The following NOP14 variants were observed in gnomAD, a reference collection of about 807,000 sequenced individuals.
NOP14 encodes NOP14 nucleolar protein, also known as nucleolar protein 14.
NOP14 carries 57 observed loss-of-function variants against 101.6 expected under a neutral mutation model. The ratio of observed to expected loss-of-function variants is 0.56; its 90% CI spans 0.45 to 0.70. NOP14 has a LOEUF of 0.70. Among genes scored for constraint, NOP14 ranks in the 30% least tolerant of loss-of-function variants. NOP14 has a pLI of 0.00. For synonymous variants in NOP14, 428 were observed against 424.0 expected, an observed-to-expected ratio of 1.01 and a Z score of -0.12; for missense variants, 1,134 against 1,075.5, an observed-to-expected ratio of 1.05 and a Z score of -0.76.
intron 9 of NOP14, among the ~76,000 whole-genome samples, chr4:2,947,902 C>G (rs1714763249): frequency 6.6e-6 from 1 of 152,260 alleles, no homozygotes; most frequent in East Asian, 1.9e-4. Context: ...AGCACGGCGT[C>G]CTCCTCACAG....
At chr4:2,958,814 C>T (rs1015069244) in intron 1 of NOP14, among the ~76,000 whole-genome samples, 1 of 152,082 alleles carries the variant, frequency 6.6e-6, no homozygotes, top group Non-Finnish European at 1.5e-5. Flanking sequence ...GGTCACTTCC[C>T]CAGGGTCGGA....
chr4:2,942,796 G>T (rs147136056), intron 13 of NOP14, among the ~76,000 whole-genome samples: 1 of 152,114 alleles, frequency 6.6e-6, no homozygotes, highest in Non-Finnish European at 1.5e-5. Context: ...GGTGACGGTG[G>T]AGGGCGGGAG....
At chr4:2,950,237 G>A (rs758378964) in intron 7 of NOP14, 24 bp from the exon 8 acceptor site, 2 of 1,610,888 alleles carry the variant, frequency 1.2e-6, no homozygotes, top group Non-Finnish European at 1.7e-6. Context: ...GGAAACCACA[G>A]GGCATGAGGA....
chr4:2,957,374 G>A (rs1334885214), intron 2 of NOP14, among the ~76,000 whole-genome samples: 4 of 152,200 alleles, frequency 2.6e-5, no homozygotes, highest in Admixed American at 2.0e-4. Flanking sequence ...GAGAACTCCT[G>A]TGCACACTGC....
In NOP14 at chr4:2,954,609, C is replaced by A. The variant is rs748131554; in HGVS notation, c.473-46G>T. 307 of 1,599,602 alleles carry A rather than the reference C, an allele frequency of 1.9e-4. No individual in the cohort carries two copies. Among genetic ancestry groups the A allele is most frequent in the Middle Eastern group, 5.5e-4 (3 of 5,500 alleles). Reference sequence around the variant, plus strand: ...ACCCCACAGTGAAGCCCAGCCCTGGCGTGGGAAGTGTTTCCTGTAGCACTC... The same window carrying A: ...ACCCCACAGTGAAGCCCAGCCCTGGAGTGGGAAGTGTTTCCTGTAGCACTC... On this transcript the variant is annotated intron_variant, in intron 3 of 17. Transcript: ENST00000416614.
Position 2,954,406 on chromosome 4 carries a change from GA to G in NOP14, c.612+17del. On this transcript the variant is annotated intron_variant, in intron 4 of 17. Coordinates refer to ENST00000416614, the MANE Select transcript of NOP14 (RefSeq NM_001291978.2). ...GTCTTACCGTGGAGAAGATGATCAA[GA>G]ACACTCACTAACCCACCTTCTCTTG... The G allele has an allele frequency of 1.9e-6, 3 of 1,612,856 alleles. No individual in the cohort carries two copies. Among genetic ancestry groups the G allele is most frequent in the Non-Finnish European group, 2.5e-6 (3 of 1,179,280 alleles).
chr4:2,948,919 A>G (rs1377404421), intron 8 of NOP14, among the ~76,000 whole-genome samples: 3 of 152,200 alleles, frequency 2.0e-5, no homozygotes, highest in African/African-American at 7.2e-5. Flanking sequence ...GCGATCACGC[A>G]CCTGGGAACA....
rs1229156646 is a variant in NOP14 at position 2,948,304 on chromosome 4, C to T, written c.1387G>A (p.Ala463Thr). 6.2e-6 allele frequency: 10 copies of T among 1,605,036 alleles called. No individual in the cohort carries two copies. The highest frequency in any genetic ancestry group is 1.7e-4 in the Middle Eastern group (1 of 6,046). The stretch of plus-strand genomic sequence containing the variant: ...TCTAATTTTGCTTTGTTTCCTTCTG[C>T]GAGACTCGGGTGGTTGCACTTCTGA... ...RIQKCNHPSLAEGNKAKLEKL... is the reference protein window; with the variant it reads ...RIQKCNHPSLTEGNKAKLEKL... Residue 463 changes from alanine to threonine, a missense_variant, in exon 9 of 18, where the codon GCA becomes ACA. Ala to Thr is a moderately conservative substitution (Grantham distance 58). Transcript: ENST00000416614.
Position 2,950,188 on chromosome 4 carries a change from T to C in NOP14, c.1028A>G (p.Asp343Gly), listed in dbSNP as rs563695440. 6.2e-7 allele frequency: 1 copy of C among 1,613,954 alleles called. No homozygotes were observed. Among genetic ancestry groups the C allele is most frequent in the African/African-American group, 1.3e-5 (1 of 75,030 alleles). ...TTCCTTGCTTTGCTCTTCCTGGACA[T>C]CTTCCTCGACATTCATCTTTCCATC... is the stretch of plus-strand genomic sequence containing the variant. ...YKDGKMNVEE[D>G]VQEEQSKEAS... Residue 343 changes from aspartate (D) to glycine (G), a missense_variant, in exon 8 of 18, where the codon GAT (aspartate) becomes GGT (glycine). Asp to Gly is a moderately conservative substitution (Grantham distance 94). Transcript: ENST00000416614.
intron 1 of NOP14, among the ~76,000 whole-genome samples, chr4:2,959,328 C>G (rs1715548043): frequency 6.6e-6 from 1 of 152,320 alleles, no homozygotes; most frequent in Non-Finnish European, 1.5e-5. Flanking sequence ...CGCGGTGGCT[C>G]ACGCCTGTAA....
At position 2,963,311 on chromosome 4, in the gene NOP14, CT is replaced by C; in HGVS notation, c.8del (p.Lys3ArgfsTer32). MAKAKKVGARRKA... is the reference protein window; with the variant it reads MAXAKKVGARRKA... The stretch of plus-strand genomic sequence containing the variant: ...TCCTTCGCGCCCCGACCTTCTTCGC[CT>C]TCGCCATGGCGCGCGCCCCGCTGCG... On this transcript the variant is annotated frameshift_variant, in exon 1 of 18. Coordinates refer to ENST00000416614, the MANE Select transcript of NOP14 (RefSeq NM_001291978.2). LOFTEE classifies it high-confidence loss of function. The C allele has an allele frequency of 6.3e-7, 1 of 1,583,294 alleles. No homozygotes were observed. Among genetic ancestry groups the C allele is most frequent in the Non-Finnish European group, 8.6e-7 (1 of 1,168,668 alleles).
intron 1 of NOP14, among the ~76,000 whole-genome samples, chr4:2,962,718 C>T (rs971612687): frequency 1.3e-5 from 2 of 151,972 alleles, no homozygotes; most frequent in African/African-American, 4.8e-5. Context: ...AGTTACTTCC[C>T]AAGGAACAAG....
chr4:2,939,599 A>G lies in NOP14; in HGVS notation c.2246T>C (p.Leu749Pro). The G allele has an allele frequency of 6.2e-7, 1 of 1,613,940 alleles. No individual in the cohort carries two copies. The highest frequency in any genetic ancestry group is 1.1e-5 in the South Asian group (1 of 91,086). ...TLTEMESQKQ[L>P]CRPLTCEKSK... ...CTTCTCACAGGTCAGCGGCCGGCAGAGCTGCTTCTGGCTTTCCATTTCGGT... is the reference window on the plus strand; with the variant it reads ...CTTCTCACAGGTCAGCGGCCGGCAGGGCTGCTTCTGGCTTTCCATTTCGGT... The change falls in exon 16 of 18, where the codon CTC becomes CCC. Residue 749 changes from leucine (L) to proline (P), a missense_variant. Coordinates refer to ENST00000416614, the MANE Select transcript of NOP14 (RefSeq NM_001291978.2).
intron 1 of NOP14, chr4:2,961,267 T>TATATTTA: frequency 8.1e-6 from 1 of 124,082 alleles, no homozygotes; most frequent in South Asian, 2.3e-4. Context: ...AATAATATAG[T>TATATTTA]TAGTATATTA....
intron 14 of NOP14, 101 bp downstream of exon 14, chr4:2,942,091 G>A: frequency 1.6e-6 from 2 of 1,242,778 alleles, no homozygotes; most frequent in Non-Finnish European, 2.2e-6. Flanking sequence ...CGGCCGGGCG[G>A]CAAGTTCACT....
At position 2,952,394 on chromosome 4, in the gene NOP14, C is replaced by T. The variant is rs61740845; in HGVS notation, c.751G>A (p.Asp251Asn). The T allele has an allele frequency of 3.2e-3, 5,100 of 1,607,174 alleles. 125 individuals carry two copies. The African/African-American group carries it at 0.057, about 18-fold the overall frequency. ...TCGCGAACCATCATGTCATATGCAT[C>T]GGGCTAAGGTAGAAAGAAGAAATTC... ...NRDKKEKPKP[D>N]AYDMMVRELG... Residue 251 changes from aspartate (D) to asparagine (N), a missense_variant, in exon 6 of 18, where the codon GAT becomes AAT. Asp to Asn is a conservative substitution (Grantham distance 23). Coordinates refer to ENST00000416614, the MANE Select transcript of NOP14 (RefSeq NM_001291978.2).
In NOP14 at chr4:2,938,002, C is replaced by T. The variant is rs747907073; in HGVS notation, c.*829G>A. 20 of 222,524 alleles carry T rather than the reference C, an allele frequency of 9.0e-5. No individual in the cohort carries two copies. The highest frequency in any genetic ancestry group is 2.6e-4 in the African/African-American group (11 of 42,352). The allele number at this position is 222,524 out of a possible 1,614,324, so 13.8% of individuals were successfully genotyped here. On this transcript the variant is annotated 3_prime_UTR_variant, in exon 18 of 18. Transcript: ENST00000416614. ...AATTCTACACATGAAGGCAAACGTC[C>T]GTGGTTGACAGAAATTACACTGGCC...
intron 4 of NOP14, 22 bp downstream of exon 4, chr4:2,954,402 T>C (rs1560305548): frequency 6.2e-7 from 1 of 1,612,228 alleles, no homozygotes; most frequent in East Asian, 2.2e-5. Flanking sequence ...GAGAAGATGA[T>C]CAAGAACACT....
At chr4:2,962,785 C>T (rs1363035332) in intron 1 of NOP14, among the ~76,000 whole-genome samples, 4 of 152,200 alleles carry the variant, frequency 2.6e-5, no homozygotes, top group Non-Finnish European at 4.4e-5. Flanking sequence ...CTACACAGCC[C>T]CTATCCACCG....
Sources: gnomAD v4.1 joint callset for allele counts (sites outside exome capture counted in the v4.1 genomes callset) on GRCh38, gnomAD v4.1.1 for gene constraint, MANE v1.5 for transcripts, NCBI Gene and HGNC (gene_info 2026-07-23, HGNC 2026-07-21) for gene names.